The following MUC7 variants were observed in gnomAD, a reference collection of about 807,000 sequenced individuals.
MUC7 encodes the protein mucin 7, secreted.
Under a neutral mutation model 2.5 loss-of-function variants are expected in MUC7, and 2 were observed. That is an observed-to-expected ratio of 0.81 (90% CI 0.33 to 2.55). The LOEUF (loss-of-function observed/expected upper bound fraction) is 2.55. Ranked by LOEUF, MUC7 falls within the 30% of genes most tolerant of loss-of-function variation. The pLI, the probability that MUC7 is intolerant of heterozygous loss-of-function variation, is 0.11. For missense variants in MUC7, 408 were observed against 455.6 expected (o/e 0.90, Z 0.95); for synonymous variants, 133 against 173.4 (o/e 0.77, Z 1.83).
chr4:70,481,252 C>T lies in MUC7; in HGVS notation c.508C>T (p.Pro170Ser). ...TCCACAAGACACCACAGCTGCCCCA[C>T]CCACACCTTCTGCAACTACACCAGC... is the stretch of plus-strand genomic sequence containing the variant. Reference protein sequence around the residue: ...PAPQDTTAAPPTPSATTPAPP... With the variant: ...PAPQDTTAAPSTPSATTPAPP... The change falls in exon 3 of 3, where the codon CCC becomes TCC. Residue 170 changes from proline to serine, a missense_variant. Around this residue, in one of 3 missense-constraint regions of MUC7, gnomAD observed 225 missense variants for 240.5 expected, o/e 0.94. Coordinates refer to ENST00000304887, the MANE Select transcript of MUC7 (RefSeq NM_152291.3). The T allele has an allele frequency of 6.2e-7, 1 of 1,613,612 alleles. No individual in the cohort carries two copies. The highest frequency in any genetic ancestry group is 1.1e-5 in the South Asian group (1 of 91,066).
intron 1 of MUC7, among the ~76,000 whole-genome samples, chr4:70,458,700 G>A (rs1734470175): frequency 6.6e-6 from 1 of 151,814 alleles, no homozygotes; most frequent in African/African-American, 2.4e-5. Flanking sequence ...AAATAAATTG[G>A]AACATAACAG....
At chr4:70,450,562 T>C (rs937425363) in intron 1 of MUC7, among the ~76,000 whole-genome samples, 3 of 152,192 alleles carry the variant, frequency 2.0e-5, no homozygotes, top group Admixed American at 6.5e-5. Context: ...GAGTATCACC[T>C]GAAGCCAGCA....
intron 1 of MUC7, among the ~76,000 whole-genome samples, chr4:70,454,337 G>A (rs1455057367): frequency 1.3e-5 from 2 of 152,210 alleles, no homozygotes; most frequent in African/African-American, 4.8e-5. Context: ...TGGAATGAGT[G>A]ATTCCCTTCT....
intron 1 of MUC7, among the ~76,000 whole-genome samples, chr4:70,450,915 G>A (rs1734263294): frequency 6.6e-6 from 1 of 152,156 alleles, no homozygotes; most frequent in African/African-American, 2.4e-5. Context: ...CCTGGAGATG[G>A]GGAGGAGTGA....
chr4:70,438,429 AGTTTT>A (rs751882688), intron 1 of MUC7, among the ~76,000 whole-genome samples: 50 of 124,826 alleles, frequency 4.0e-4, no homozygotes, highest in Middle Eastern at 3.9e-3. Flanking sequence ...CAGGAAATGA[AGTTTT>A]GTTTTGTTTT....
At chr4:70,454,291 G>C (rs1488354822) in intron 1 of MUC7, among the ~76,000 whole-genome samples, 1 of 152,196 alleles carries the variant, frequency 6.6e-6, no homozygotes, top group Non-Finnish European at 1.5e-5. Flanking sequence ...TTTAGCCAGC[G>C]ATGGCAAGGC....
chr4:70,456,704 C>A (rs1341326086), intron 1 of MUC7, among the ~76,000 whole-genome samples: 1 of 152,094 alleles, frequency 6.6e-6, no homozygotes, highest in African/African-American at 2.4e-5. Context: ...GATTACAGTT[C>A]AAGATGAGAT....
At position 70,482,899 on chromosome 4, in the gene MUC7, G is replaced by T. The variant is rs1481813174; in HGVS notation, c.*1021G>T. 3 of 152,216 alleles carry T rather than the reference G, an allele frequency of 2.0e-5. No homozygotes were observed. Among genetic ancestry groups the T allele is most frequent in the Admixed American group, 6.5e-5 (1 of 15,272 alleles). 9.4% of individuals were successfully genotyped at this position (152,216 alleles called of 1,614,324 possible). A position where few individuals can be genotyped will look rare whatever the true frequency, so the allele number is the denominator to read the frequency against. ...TTGGTATACGGAGATGTTAATTTGGGATATGGAGGCATTTTTATCTTCTGT... is the reference window on the plus strand; with the variant it reads ...TTGGTATACGGAGATGTTAATTTGGTATATGGAGGCATTTTTATCTTCTGT... On this transcript the variant is annotated 3_prime_UTR_variant, in exon 3 of 3. Transcript: ENST00000304887.
intron 1 of MUC7, among the ~76,000 whole-genome samples, chr4:70,466,452 G>A (rs28805354): frequency 0.26 from 40,242 of 151,998 alleles, 5,673 homozygotes; most frequent in East Asian, 0.4. Context: ...CCAATTAAAA[G>A]ACACAGACTG....
chr4:70,442,134 T>C (rs1336148474), intron 1 of MUC7, among the ~76,000 whole-genome samples: 1 of 152,220 alleles, frequency 6.6e-6, no homozygotes, highest in East Asian at 1.9e-4. Context: ...AAGCATGAGT[T>C]CATCTCCTTG....
chr4:70,464,730 A>T (rs1223034238), intron 1 of MUC7, among the ~76,000 whole-genome samples: 1 of 152,172 alleles, frequency 6.6e-6, no homozygotes, highest in East Asian at 1.9e-4. Context: ...TCTCTGAAAG[A>T]AAGGCAAGCA....
intron 1 of MUC7, among the ~76,000 whole-genome samples, chr4:70,444,250 T>C (rs1363879130): frequency 6.6e-6 from 1 of 152,220 alleles, no homozygotes; most frequent in Non-Finnish European, 1.5e-5. Flanking sequence ...CATTTGATGC[T>C]TTAAACCCAT....
rs138306124 is a variant in MUC7 at position 70,459,308 on chromosome 4, T to C, written c.-92-12907T>C. On this transcript the variant is annotated intron_variant, in intron 1 of 3. Coordinates refer to the MUC7 transcript ENST00000413702. Reference sequence around the variant, plus strand: ...ACATGGATGAAATTGGAAAACATCATTCTCAGTAAACTATCACAAGGACAA... The same window carrying C: ...ACATGGATGAAATTGGAAAACATCACTCTCAGTAAACTATCACAAGGACAA... Among the ~76,000 whole-genome samples the C allele has an allele frequency of 2.4e-3, 369 of 152,290 alleles. 1 individual carries two copies. Among genetic ancestry groups the C allele is most frequent in the African/African-American group, 8.4e-3 (348 of 41,560 alleles).
upstream of MUC7, among the ~76,000 whole-genome samples, chr4:70,469,237 A>T (rs1230500715): frequency 1.3e-5 from 2 of 152,146 alleles, no homozygotes; most frequent in African/African-American, 4.8e-5. Context: ...CCTTCCTAAC[A>T]CCTTATACAA....
intron 1 of MUC7, among the ~76,000 whole-genome samples, chr4:70,448,322 C>T (rs1734193858): frequency 6.6e-6 from 1 of 152,230 alleles, no homozygotes; most frequent in Middle Eastern, 3.4e-3. Flanking sequence ...ATTGCTAGAT[C>T]GTATGCTAGC....
intron 1 of MUC7, among the ~76,000 whole-genome samples, chr4:70,461,976 C>A (rs528984618): frequency 1.6e-4 from 25 of 152,302 alleles, no homozygotes; most frequent in African/African-American, 5.5e-4. Context: ...CTTTGAGACG[C>A]CAAGGCAGGA....
At chr4:70,443,649 T>C (rs1177934664) in intron 1 of MUC7, among the ~76,000 whole-genome samples, 2 of 152,068 alleles carry the variant, frequency 1.3e-5, no homozygotes. Context: ...CAAACAAAAA[T>C]CTGTCTTCCA....
At chr4:70,458,488 A>G (rs2109723535) in intron 1 of MUC7, among the ~76,000 whole-genome samples, 1 of 152,242 alleles carries the variant, frequency 6.6e-6, no homozygotes, top group East Asian at 1.9e-4. Context: ...TTACATGTGC[A>G]TTGTATAATT....
At chr4:70,476,670 G>C (rs6846118) in intron 2 of MUC7, among the ~76,000 whole-genome samples, 2,052 of 152,174 alleles carry the variant, frequency 0.013, 48 homozygotes, top group African/African-American at 0.047. Context: ...ACCTGTAATT[G>C]CAGCTACTTG....
Sources: gnomAD v4.1 joint callset for allele counts (sites outside exome capture counted in the v4.1 genomes callset) on GRCh38, gnomAD v4.1.1 for gene constraint, gnomAD v4.1.1 regional missense constraint, MANE v1.5 for transcripts, NCBI Gene and HGNC (gene_info 2026-07-23, HGNC 2026-07-21) for gene names.